ADRA1B: variants seen among roughly 807,000 people sequenced by gnomAD.
ADRA1B encodes adrenoceptor alpha 1B, also known as alpha-1B adrenergic receptor.
In ADRA1B, 17 loss-of-function variants were observed where a neutral mutation model predicts 17.9. That is an observed-to-expected ratio of 0.95 (90% CI 0.65 to 1.42). ADRA1B has a LOEUF of 1.42. Among genes scored for constraint, ADRA1B ranks in the 40% most tolerant of loss-of-function variants. The pLI is 0.00. For missense variants in ADRA1B, 681 were observed against 722.1 expected (o/e 0.94, Z 0.65); for synonymous variants, 366 against 327.6 (o/e 1.12, Z -1.27).
At chr5:159,963,680 G>C (rs1288729384) in intron 1 of ADRA1B, among the ~76,000 whole-genome samples, 3 of 152,222 alleles carry the variant, frequency 2.0e-5, no homozygotes, top group African/African-American at 7.2e-5. Flanking sequence ...TTAAATGGTA[G>C]CTGCTATTCT....
intron 1 of ADRA1B, among the ~76,000 whole-genome samples, chr5:159,927,577 A>G (rs1375767887): frequency 1.3e-5 from 2 of 152,138 alleles, no homozygotes; most frequent in African/African-American, 2.4e-5. Flanking sequence ...TCTGTTGGGT[A>G]ATATATCACT....
At chr5:159,973,280 C>T (rs141078991), downstream of ADRA1B, among the ~76,000 whole-genome samples, 1 of 152,336 alleles carries the variant, frequency 6.6e-6, no homozygotes, top group East Asian at 1.9e-4. Context: ...CTGGACTTGC[C>T]TAATGAATCC....
At chr5:159,955,615 G>A (rs1267933964) in intron 1 of ADRA1B, among the ~76,000 whole-genome samples, 2 of 152,154 alleles carry the variant, frequency 1.3e-5, no homozygotes, top group Admixed American at 1.3e-4. Flanking sequence ...TTCATCTACT[G>A]CTTAGGAAGG....
intron 1 of ADRA1B, among the ~76,000 whole-genome samples, chr5:159,904,028 TAAC>T (rs919343107): frequency 7.9e-5 from 12 of 152,330 alleles, no homozygotes; most frequent in African/African-American, 2.2e-4. Context: ...GCCGAAATGT[TAAC>T]AACGATGTTC....
chr5:159,918,838 T>G (rs1356029942), intron 1 of ADRA1B, among the ~76,000 whole-genome samples: 1 of 152,218 alleles, frequency 6.6e-6, no homozygotes, highest in Non-Finnish European at 1.5e-5. Flanking sequence ...TCTGAGGCAC[T>G]GATCTGCTTT....
intron 1 of ADRA1B, among the ~76,000 whole-genome samples, chr5:159,935,790 G>A (rs1191726670): frequency 1.3e-5 from 2 of 152,098 alleles, no homozygotes; most frequent in African/African-American, 4.8e-5. Flanking sequence ...CAAGTGATCC[G>A]CTCGCCTCAG....
chr5:159,907,955 T>TCACACACACACACACA (rs371637793), intron 1 of ADRA1B, among the ~76,000 whole-genome samples: 14 of 146,930 alleles, frequency 9.5e-5, no homozygotes, highest in African/African-American at 3.5e-4. Flanking sequence ...TCTCTCTCTG[T>TCACACACACACACACA]CACACACACA....
At chr5:159,873,274 C>G (rs745806996) in intron 1 of ADRA1B, among the ~76,000 whole-genome samples, 33 of 152,218 alleles carry the variant, frequency 2.2e-4, no homozygotes, top group African/African-American at 7.2e-4. Flanking sequence ...GATTTATAAT[C>G]CTTTGGGTTT....
intron 1 of ADRA1B, 90 bp downstream of exon 1, chr5:159,917,944 T>C: frequency 1.8e-6 from 2 of 1,104,158 alleles, no homozygotes; most frequent in South Asian, 1.5e-5. Context: ...GTGGGTTTTG[T>C]TTCTTATGCA....
chr5:159,960,418 A>C (rs1755645824), intron 1 of ADRA1B, among the ~76,000 whole-genome samples: 1 of 152,260 alleles, frequency 6.6e-6, no homozygotes, highest in African/African-American at 2.4e-5. Context: ...GGTCAACCCC[A>C]TAGTGAGGTG....
chr5:159,984,473 C>A, the ADRA1B span, among the ~76,000 whole-genome samples: 57 of 152,164 alleles, frequency 3.7e-4, 1 homozygote. Flanking sequence ...TTTGCACCAC[C>A]TCCACTGCCA....
chr5:159,971,455 GA>G lies in ADRA1B; in HGVS notation c.950-421del, dbSNP rs577018850. Among the ~76,000 whole-genome samples the G allele has an allele frequency of 1.4e-3, 219 of 152,224 alleles. 1 individual carries two copies. Among genetic ancestry groups the G allele is most frequent in the African/African-American group, 4.0e-3 (165 of 41,522 alleles). On this transcript the variant is annotated intron_variant, in intron 1 of 1. Coordinates refer to ENST00000306675, the MANE Select transcript of ADRA1B (RefSeq NM_000679.4). The stretch of plus-strand genomic sequence containing the variant: ...TTTAATACACCTTCTGTTTTCCACG[GA>G]AACAAGTCGGCATCTACTTCATGAC...
chr5:159,882,662 A>G (rs747342407), intron 1 of ADRA1B, among the ~76,000 whole-genome samples: 30 of 152,220 alleles, frequency 2.0e-4, no homozygotes, highest in Non-Finnish European at 3.1e-4. Context: ...CCATCACCCA[A>G]TAGCCTGATC....
chr5:159,933,406 G>C (rs1189370291), intron 1 of ADRA1B, among the ~76,000 whole-genome samples: 1 of 152,220 alleles, frequency 6.6e-6, no homozygotes, highest in East Asian at 1.9e-4. Flanking sequence ...TCTCTGGGAA[G>C]GGTGTAGCAA....
chr5:159,867,493 AT>A (rs1753673525), intron 1 of ADRA1B, among the ~76,000 whole-genome samples: 2 of 151,884 alleles, frequency 1.3e-5, no homozygotes. Context: ...CCTCTCTCAT[AT>A]TTTCCTCTCC....
At chr5:159,944,122 C>A (rs1004423774) in intron 1 of ADRA1B, among the ~76,000 whole-genome samples, 1 of 152,130 alleles carries the variant, frequency 6.6e-6, no homozygotes, top group African/African-American at 2.4e-5. Flanking sequence ...AAGTGGCAGG[C>A]CCTGTTTCCT....
intron 1 of ADRA1B, among the ~76,000 whole-genome samples, chr5:159,931,610 G>T (rs924871967): frequency 6.6e-6 from 1 of 152,128 alleles, no homozygotes; most frequent in African/African-American, 2.4e-5. Context: ...CATATCACCT[G>T]CCTCAGTCCA....
chr5:159,972,261 C>A lies in ADRA1B; in HGVS notation c.1332C>A (p.Phe444Leu), dbSNP rs1235355467. The A allele has an allele frequency of 8.8e-6, 12 of 1,362,228 alleles. No individual in the cohort carries two copies. Among genetic ancestry groups the A allele is most frequent in the Non-Finnish European group, 1.1e-5 (12 of 1,059,070 alleles). 84.4% of individuals were successfully genotyped at this position (1,362,228 alleles called of 1,614,324 possible). A position where few individuals can be genotyped will look rare whatever the true frequency, so the allele number is the denominator to read the frequency against. Reference protein sequence around the residue: ...GAPPPVELCAFPEWKAPGALL... With the variant: ...GAPPPVELCALPEWKAPGALL... ...CACCGCCAGTCGAGCTGTGCGCCTT[C>A]CCCGAGTGGAAGGCGCCCGGCGCCC... Residue 444 changes from phenylalanine to leucine, a missense_variant, in exon 2 of 2, where the codon TTC (phenylalanine) becomes TTA (leucine). Transcript: ENST00000306675.
At chr5:159,887,981 T>C (rs1168335243) in intron 1 of ADRA1B, 2 of 152,122 alleles carry the variant, frequency 1.3e-5, no homozygotes, top group Admixed American at 1.3e-4. Context: ...TCAAATAATA[T>C]TACTCATAAC....
Sources: gnomAD v4.1 joint callset for allele counts (sites outside exome capture counted in the v4.1 genomes callset) on GRCh38, gnomAD v4.1.1 for gene constraint, MANE v1.5 for transcripts, NCBI Gene and HGNC (gene_info 2026-07-23, HGNC 2026-07-21) for gene names.